The following XIRP2 variants were observed in gnomAD, a reference collection of about 807,000 sequenced individuals.
The protein encoded by XIRP2 is xin actin binding repeat containing 2, also known as xin actin-binding repeat-containing protein 2.
XIRP2 carries 236 observed loss-of-function variants against 277.0 expected under a neutral mutation model. That is an observed-to-expected ratio of 0.85 (90% CI 0.77 to 0.95). The LOEUF (loss-of-function observed/expected upper bound fraction) is 0.95, where lower values mean the gene tolerates loss of function less well. Ranked by LOEUF, XIRP2 falls within the 40% of genes least tolerant of loss-of-function variation. The pLI, the probability that XIRP2 is intolerant of heterozygous loss-of-function variation, is 0.00. For missense variants in XIRP2, 4,640 were observed against 4,157.5 expected, an observed-to-expected ratio of 1.12 and a Z score of -3.19; for synonymous variants, 1,490 against 1,416.5, an observed-to-expected ratio of 1.05 and a Z score of -1.17.
In XIRP2 at chr2:167,136,813, C is replaced by T. The variant is rs990121593; in HGVS notation, c.562+751C>T. Among the ~76,000 whole-genome samples the T allele has an allele frequency of 1.4e-4, 21 of 152,102 alleles. 1 individual carries two copies. The highest frequency in any genetic ancestry group is 4.8e-5 in the African/African-American group (2 of 41,428). ...ATAATTAGTACAAATTTTAAGATATCGTTTGGAATATTTGTAGCAAACTGT... is the reference window on the plus strand; with the variant it reads ...ATAATTAGTACAAATTTTAAGATATTGTTTGGAATATTTGTAGCAAACTGT... On this transcript the variant is annotated intron_variant, in intron 3 of 10. Coordinates refer to ENST00000409195, the MANE Select transcript of XIRP2 (RefSeq NM_152381.6).
At chr2:167,240,853 T>G (rs981969924) in intron 7 of XIRP2, 117 bp downstream of exon 7, 1 of 876,452 alleles carries the variant, frequency 1.1e-6, no homozygotes, top group Non-Finnish European at 1.9e-6. Context: ...TAACTATGAC[T>G]CATGGTTCCA....
intron 3 of XIRP2, among the ~76,000 whole-genome samples, chr2:167,193,280 A>T (rs776795039): frequency 6.6e-6 from 1 of 152,112 alleles, no homozygotes; most frequent in Non-Finnish European, 1.5e-5. Flanking sequence ...CACCTCTTTC[A>T]TTTACTTCAC....
In XIRP2 at chr2:167,245,181, G is replaced by T. The variant is rs112208362; in HGVS notation, c.3789G>T (p.Thr1263=). ...AAGAAGGTGATGAATGTGTTAAGAC[G>T]GTGACAGACATACAAGGTGGGGATG... ...ESQEGDECVK[T]VTDIQGGDVR... The change falls in exon 9 of 11, where the codon ACG becomes ACT. Residue 1263 remains threonine, a synonymous_variant. Transcript: ENST00000409195. 6.2e-7 allele frequency: 1 copy of T among 1,613,232 alleles called. No homozygotes were observed.
chr2:167,248,258 TTCCACCTCCATC>T lies in XIRP2; in HGVS notation c.6876_6887del (p.Ser2293_Pro2296del). The T allele has an allele frequency of 6.2e-7, 1 of 1,612,404 alleles. No homozygotes were observed. The highest frequency in any genetic ancestry group is 8.5e-7 in the Non-Finnish European group (1 of 1,179,408). On this transcript the variant is annotated inframe_deletion, in exon 9 of 11. Coordinates refer to ENST00000409195, the MANE Select transcript of XIRP2 (RefSeq NM_152381.6). ...AATGTAAAAGAAAGTGAGTGCCCCC[TTCCACCTCCATC>T]TCCACCTCCTCCACCACCTTCTAAT...
intron 2 of XIRP2, among the ~76,000 whole-genome samples, chr2:167,026,000 T>G (rs1004237671): frequency 6.6e-6 from 1 of 152,140 alleles, no homozygotes; most frequent in African/African-American, 2.4e-5. Context: ...GTTCAATTCC[T>G]GGGTATCCTT....
intron 5 of XIRP2, among the ~76,000 whole-genome samples, chr2:167,238,841 A>G (rs1391278765): frequency 6.6e-6 from 1 of 152,134 alleles, no homozygotes; most frequent in East Asian, 1.9e-4. Flanking sequence ...GAATGTTAAG[A>G]TTTTTAGCAG....
chr2:167,070,249 G>A (rs1689405104), intron 2 of XIRP2, among the ~76,000 whole-genome samples: 1 of 151,894 alleles, frequency 6.6e-6, no homozygotes, highest in Non-Finnish European at 1.5e-5. Context: ...CTTAGGTGAG[G>A]GCTTAACATA....
Position 167,249,793 on chromosome 2 carries a change from C to T in XIRP2, c.8401C>T (p.Pro2801Ser). Residue 2801 changes from proline (P) to serine (S), a missense_variant, in exon 9 of 11, where the codon CCC (proline) becomes TCC (serine). Physicochemically the swap from Pro to Ser is moderately conservative, Grantham distance 74. Coordinates refer to ENST00000409195, the MANE Select transcript of XIRP2 (RefSeq NM_152381.6). ...CCAGGAAGATAAGCTCAAGATGGTT[C>T]CCAGGAAGCAAAGAGAATTTAGCGG... The part of the protein sequence containing the change: ...KNQEDKLKMV[P>S]RKQREFSGSD... 1.2e-6 allele frequency: 2 copies of T among 1,613,198 alleles called. No homozygotes were observed. The highest frequency in any genetic ancestry group is 1.3e-5 in the African/African-American group (1 of 74,912).
chr2:167,156,452 A>G (rs1692200773), intron 3 of XIRP2, among the ~76,000 whole-genome samples: 2 of 152,134 alleles, frequency 1.3e-5, no homozygotes, highest in Non-Finnish European at 2.9e-5. Context: ...TTTGCCAGCT[A>G]GGGAAAGTGC....
At chr2:166,968,377 C>CAG (rs3060400) in intron 2 of XIRP2, among the ~76,000 whole-genome samples, 79,995 of 151,634 alleles carry the variant, frequency 0.53, 23,172 homozygotes, top group East Asian at 0.82. Flanking sequence ...TAAATATCAT[C>CAG]AGTATTTTCT....
chr2:167,234,873 A>G (rs959540652), intron 5 of XIRP2, among the ~76,000 whole-genome samples: 2 of 151,880 alleles, frequency 1.3e-5, no homozygotes, highest in African/African-American at 2.4e-5. Context: ...TCAATGTCAT[A>G]GTAATTCTGC....
At chr2:167,175,554 C>T (rs547283564) in intron 3 of XIRP2, among the ~76,000 whole-genome samples, 2 of 152,232 alleles carry the variant, frequency 1.3e-5, no homozygotes, top group African/African-American at 4.8e-5. Context: ...TGGAGCTATC[C>T]TGTATGAGGT....
intron 3 of XIRP2, 135 bp downstream of exon 3, chr2:167,136,197 A>G (rs916670803): frequency 2.8e-5 from 24 of 858,304 alleles, no homozygotes; most frequent in Non-Finnish European, 3.8e-5. Flanking sequence ...TAGGAAATAC[A>G]ATTTAGGAAA....
rs1400222085 is a variant in XIRP2, at chr2:167,053,999, T to G, written c.409-81910T>G. On this transcript the variant is annotated intron_variant, in intron 2 of 10. Transcript: ENST00000409195. ...TTCAAGAATTGTGTTATATTTTTCT[T>G]TGGAAATGTTTCTAAACACATTAGG... Among the ~76,000 whole-genome samples, 3 of 152,186 alleles carry G rather than the reference T, an allele frequency of 2.0e-5. No individual in the cohort carries two copies. In the South Asian group the frequency reaches 6.2e-4, roughly 31 times the overall value.
At chr2:166,899,590 G>T (rs532969166) in intron 1 of XIRP2, among the ~76,000 whole-genome samples, 1 of 152,184 alleles carries the variant, frequency 6.6e-6, no homozygotes, top group African/African-American at 2.4e-5. Context: ...CTTTGTCTGA[G>T]AATGTGTTTA....
At chr2:167,046,432 C>G (rs990428298) in intron 2 of XIRP2, among the ~76,000 whole-genome samples, 1 of 151,176 alleles carries the variant, frequency 6.6e-6, no homozygotes, top group African/African-American at 2.4e-5. Flanking sequence ...GGATATATAC[C>G]TAAAGGAATA....
Position 167,070,478 on chromosome 2 carries a change from T to C in XIRP2, c.409-65431T>C, listed in dbSNP as rs551741054. On this transcript the variant is annotated intron_variant, in intron 2 of 10. Transcript: ENST00000409195. Reference sequence around the variant, plus strand: ...AACCAGATAAACAGAAAATCCTGTATCTATATGCTGAACAGGATAGTGAAA... The same window carrying C: ...AACCAGATAAACAGAAAATCCTGTACCTATATGCTGAACAGGATAGTGAAA... Among the ~76,000 whole-genome samples, 119 of 152,242 alleles carry C rather than the reference T, an allele frequency of 7.8e-4. 2 individuals are homozygous for C. The highest frequency in any genetic ancestry group is 2.8e-3 in the African/African-American group (115 of 41,544).
At chr2:167,087,179 C>G (rs1454373801) in intron 2 of XIRP2, among the ~76,000 whole-genome samples, 17 of 152,122 alleles carry the variant, frequency 1.1e-4, no homozygotes, top group African/African-American at 4.1e-4. Flanking sequence ...CCCTCAGCTG[C>G]AGGTCTGTTG....
intron 2 of XIRP2, among the ~76,000 whole-genome samples, chr2:167,118,792 GAC>G (rs1309779005): frequency 3.3e-5 from 5 of 152,090 alleles, no homozygotes; most frequent in African/African-American, 9.7e-5. Flanking sequence ...AACAAACAAA[GAC>G]AGAGGTTATG....
Sources: gnomAD v4.1 joint callset for allele counts (sites outside exome capture counted in the v4.1 genomes callset) on GRCh38, gnomAD v4.1.1 for gene constraint, MANE v1.5 for transcripts, NCBI Gene and HGNC (gene_info 2026-07-23, HGNC 2026-07-21) for gene names.